Variants in ADGRL3 observed in about 807,000 individuals in gnomAD.
The protein encoded by ADGRL3 is adhesion G protein-coupled receptor L3, also known as calcium-independent alpha-latrotoxin receptor 3.
In ADGRL3, 62 loss-of-function variants were observed where a neutral mutation model predicts 153.5. The observed-to-expected ratio is 0.40, with a 90% CI of 0.33 to 0.50. ADGRL3 has a LOEUF of 0.50. Among genes scored for constraint, ADGRL3 ranks in the 20% least tolerant of loss-of-function variants. ADGRL3 has a pLI of 0.47. For missense variants in ADGRL3, 1,641 were observed against 1,859.4 expected (o/e 0.88, Z 2.16); for synonymous variants, 710 against 672.5 (o/e 1.06, Z -0.86).
intron 9 of ADGRL3, among the ~76,000 whole-genome samples, chr4:61,846,972 ATATATATG>A (rs1554045748): frequency 6.8e-6 from 1 of 148,114 alleles, no homozygotes. Flanking sequence ...GTGTGTGTGT[ATATATATG>A]TATATATGTA....
At chr4:61,277,469 C>T (rs1482532912) in intron 1 of ADGRL3, among the ~76,000 whole-genome samples, 1 of 152,052 alleles carries the variant, frequency 6.6e-6, no homozygotes, top group Non-Finnish European at 1.5e-5. Context: ...TTATTTATGT[C>T]ATATTTACTT....
intron 1 of ADGRL3, among the ~76,000 whole-genome samples, chr4:61,318,401 G>C (rs1354543815): frequency 6.6e-6 from 1 of 151,958 alleles, no homozygotes; most frequent in East Asian, 1.9e-4. Context: ...CCTTCTCAGA[G>C]CTTCAGTACC....
At chr4:61,363,815 A>C (rs1479040839) in intron 1 of ADGRL3, among the ~76,000 whole-genome samples, 2 of 152,112 alleles carry the variant, frequency 1.3e-5, no homozygotes, top group Non-Finnish European at 2.9e-5. Context: ...CCGATTTTAC[A>C]GATGAGTAAA....
intron 1 of ADGRL3, among the ~76,000 whole-genome samples, chr4:61,216,551 T>C (rs186714571): frequency 1.3e-5 from 2 of 152,298 alleles, no homozygotes; most frequent in Admixed American, 6.5e-5. Context: ...AATTTATTTA[T>C]GTAAAATTAT....
At chr4:61,493,552 T>C (rs1174221038) in intron 2 of ADGRL3, among the ~76,000 whole-genome samples, 1 of 152,178 alleles carries the variant, frequency 6.6e-6, no homozygotes, top group East Asian at 1.9e-4. Context: ...ACAATAGCAA[T>C]ACTCCTCTTT....
intron 11 of ADGRL3, among the ~76,000 whole-genome samples, chr4:61,902,952 T>G (rs930933503): frequency 4.6e-5 from 7 of 152,124 alleles, no homozygotes; most frequent in Admixed American, 4.6e-4. Context: ...AACACTGACC[T>G]TAGCACAGGA....
intron 21 of ADGRL3, among the ~76,000 whole-genome samples, chr4:62,000,958 G>GT (rs2099138333): frequency 6.6e-6 from 1 of 151,500 alleles, no homozygotes; most frequent in African/African-American, 2.4e-5. Context: ...ATTTTTTTGT[G>GT]TTTTTTATAG....
intron 25 of ADGRL3, among the ~76,000 whole-genome samples, chr4:62,050,221 C>T (rs948887067): frequency 6.6e-6 from 1 of 152,018 alleles, no homozygotes; most frequent in Admixed American, 6.6e-5. Context: ...ATGCACATTG[C>T]ATCTGCTTAT....
chr4:61,672,454 A>G (rs1248426286), intron 5 of ADGRL3, among the ~76,000 whole-genome samples: 2 of 152,116 alleles, frequency 1.3e-5, no homozygotes, highest in Non-Finnish European at 2.9e-5. Context: ...CAGGAATTTA[A>G]ACACCTCAAT....
At chr4:61,398,877 T>C (rs979043451) in intron 2 of ADGRL3, among the ~76,000 whole-genome samples, 8 of 151,742 alleles carry the variant, frequency 5.3e-5, no homozygotes, top group Admixed American at 1.3e-4. Flanking sequence ...TTGTCTTTTA[T>C]GTGTACTTTT....
At chr4:61,673,671 A>C (rs2095083095) in intron 5 of ADGRL3, among the ~76,000 whole-genome samples, 1 of 151,438 alleles carries the variant, frequency 6.6e-6, no homozygotes, top group Non-Finnish European at 1.5e-5. Context: ...TAAAGGACAG[A>C]ACCTTTAAAC....
intron 6 of ADGRL3, among the ~76,000 whole-genome samples, chr4:61,690,858 T>C (rs181371781): frequency 1.3e-5 from 2 of 152,234 alleles, no homozygotes; most frequent in African/African-American, 4.8e-5. Context: ...TTCAGACACA[T>C]CAAGCTATCT....
intron 9 of ADGRL3, among the ~76,000 whole-genome samples, chr4:61,862,980 G>A (rs2098358881): frequency 6.6e-6 from 1 of 152,136 alleles, no homozygotes; most frequent in Admixed American, 6.5e-5. Context: ...TTCTAATTGA[G>A]TAGGCTGGGG....
At chr4:61,387,071 G>T (rs2096745756) in intron 2 of ADGRL3, among the ~76,000 whole-genome samples, 1 of 152,064 alleles carries the variant, frequency 6.6e-6, no homozygotes, top group South Asian at 2.1e-4. Flanking sequence ...GAAATAAAGG[G>T]ACAGAGTACA....
chr4:62,072,012 G>A lies in ADGRL3; in HGVS notation c.*1104G>A, dbSNP rs981632081. 4.7e-5 allele frequency: 9 copies of A among 191,666 alleles called. No individual in the cohort carries two copies. Among genetic ancestry groups the A allele is most frequent in the Non-Finnish European group, 9.7e-5 (9 of 92,914 alleles). The allele number at this position is 191,666 out of a possible 1,614,324, so 11.9% of individuals were successfully genotyped here. On this transcript the variant is annotated 3_prime_UTR_variant, in exon 27 of 27. Coordinates refer to ENST00000683033, the MANE Select transcript of ADGRL3 (RefSeq NM_001387552.1). ...TAATGCAAAGCATATTTGGCAAGCA[G>A]TTCATCACCAGGACACTAGCTATGA... is the stretch of plus-strand genomic sequence containing the variant.
intron 5 of ADGRL3, among the ~76,000 whole-genome samples, chr4:61,602,727 A>G (rs1000414530): frequency 6.6e-5 from 10 of 152,142 alleles, no homozygotes; most frequent in African/African-American, 2.4e-4. Flanking sequence ...AATCAAAACT[A>G]TCCATCCCTT....
At chr4:61,441,495 T>G (rs75105438) in intron 2 of ADGRL3, among the ~76,000 whole-genome samples, 2,169 of 144,224 alleles carry the variant, frequency 0.015, 58 homozygotes, top group African/African-American at 0.051. Flanking sequence ...CTCTCTTTTT[T>G]CTTTGTAACC....
At chr4:61,537,379 T>C (rs2098663427) in intron 4 of ADGRL3, among the ~76,000 whole-genome samples, 1 of 152,130 alleles carries the variant, frequency 6.6e-6, no homozygotes. Flanking sequence ...GCTTGTGTTG[T>C]ATCTTGCAAG....
intron 1 of ADGRL3, among the ~76,000 whole-genome samples, chr4:61,287,615 A>C (rs1266435309): frequency 6.6e-6 from 1 of 151,942 alleles, no homozygotes; most frequent in African/African-American, 2.4e-5. Flanking sequence ...TAGAAATGTA[A>C]AATCTTTAAA....
Sources: gnomAD v4.1 joint callset for allele counts (sites outside exome capture counted in the v4.1 genomes callset) on GRCh38, gnomAD v4.1.1 for gene constraint, MANE v1.5 for transcripts, NCBI Gene and HGNC (gene_info 2026-07-23, HGNC 2026-07-21) for gene names.